Variants in AGPS observed in about 807,000 individuals in gnomAD.
AGPS encodes the protein alkylglycerone phosphate synthase.
A neutral mutation model predicts 90.7 loss-of-function variants in AGPS; 26 were observed. The ratio of observed to expected loss-of-function variants is 0.29; its 90% confidence interval spans 0.21 to 0.40. The LOEUF (loss-of-function observed/expected upper bound fraction) is 0.40, where lower values mean the gene tolerates loss of function less well. AGPS is among the 10% of genes least tolerant of loss of function. The pLI, the probability that AGPS is intolerant of heterozygous loss-of-function variation, is 1.00. For synonymous variants in AGPS, 294 were observed against 285.3 expected (o/e 1.03, Z -0.31); for missense variants, 540 against 816.1 (o/e 0.66, Z 4.12).
Position 177,435,751 on chromosome 2 carries a change from A to G in AGPS, c.442-1013A>G, listed in dbSNP as rs1483034706. ...ATACTTTCTTTTTTCCAAATACTGT[A>G]TGATAGCTTCCCTCAATCCCCCGTA... On this transcript the variant is annotated intron_variant, in intron 3 of 19. Coordinates refer to ENST00000264167, the MANE Select transcript of AGPS (RefSeq NM_003659.4). Among the ~76,000 whole-genome samples the G allele has an allele frequency of 3.3e-5, 5 of 152,336 alleles. No individual in the cohort carries two copies. In the South Asian group the frequency reaches 1.0e-3, roughly 32 times the overall value.
chr2:177,457,120 A>C (rs1356664941), intron 8 of AGPS, among the ~76,000 whole-genome samples: 1 of 152,218 alleles, frequency 6.6e-6, no homozygotes, highest in African/African-American at 2.4e-5. Context: ...TGAAGGCAGA[A>C]ATAAAGATGT....
chr2:177,429,634 G>A lies in AGPS; in HGVS notation c.351-4693G>A, dbSNP rs1025025005. 9.2e-5 allele frequency among the ~76,000 whole-genome samples: 14 copies of A among 152,260 alleles called. 1 individual carries two copies. In the East Asian group the frequency reaches 1.9e-3, roughly 21 times the overall value. On this transcript the variant is annotated intron_variant, in intron 2 of 19. Transcript: ENST00000264167. ...TATTTGCCTCATTTTTCCCAGACCT[G>A]GAGGTATCACCAGTGGAGGCTGTGA...
chr2:177,416,099 A>G (rs971928673), intron 1 of AGPS, among the ~76,000 whole-genome samples: 2 of 152,190 alleles, frequency 1.3e-5, no homozygotes, highest in Admixed American at 6.5e-5. Flanking sequence ...AGAAATAGCA[A>G]TGTAGAAACC....
intron 8 of AGPS, 65 bp from the exon 9 acceptor site, chr2:177,461,828 A>C: frequency 2.0e-6 from 3 of 1,475,152 alleles, no homozygotes; most frequent in Non-Finnish European, 2.8e-6. Flanking sequence ...GGAGGAGTTA[A>C]TGTGTTGAGT....
intron 18 of AGPS, 46 bp from the exon 19 acceptor site, chr2:177,523,702 A>G (rs1471813248): frequency 1.3e-6 from 2 of 1,569,528 alleles, no homozygotes; most frequent in Non-Finnish European, 8.8e-7. Flanking sequence ...TCACTGCAAA[A>G]TGAAATCTAA....
chr2:177,441,109 C>T (rs1686588556), intron 6 of AGPS, 73 bp downstream of exon 6: 9 of 1,222,868 alleles, frequency 7.4e-6, no homozygotes, highest in Admixed American at 3.6e-5. Context: ...TAAATATTTG[C>T]GTCACCCTAC....
At chr2:177,470,097 G>A (rs948129124) in intron 10 of AGPS, among the ~76,000 whole-genome samples, 11 of 152,122 alleles carry the variant, frequency 7.2e-5, no homozygotes, top group African/African-American at 2.7e-4. Flanking sequence ...ACAGAAGAGG[G>A]GAGTTGCCCT....
chr2:177,527,852 CT>C (rs2079103839), intron 19 of AGPS, among the ~76,000 whole-genome samples: 1 of 152,116 alleles, frequency 6.6e-6, no homozygotes, highest in Non-Finnish European at 1.5e-5. Flanking sequence ...AAATAGAAAT[CT>C]TTTATGTCTA....
At chr2:177,459,385 A>G (rs1687218676) in intron 8 of AGPS, among the ~76,000 whole-genome samples, 1 of 152,212 alleles carries the variant, frequency 6.6e-6, no homozygotes, top group Non-Finnish European at 1.5e-5. Flanking sequence ...TGAACAGGCA[A>G]CCTACAGAAT....
At chr2:177,430,505 C>T (rs766609927) in intron 2 of AGPS, among the ~76,000 whole-genome samples, 1 of 152,206 alleles carries the variant, frequency 6.6e-6, no homozygotes, top group Non-Finnish European at 1.5e-5. Context: ...ATGAGGGGAT[C>T]TCCTGATCCA....
intron 13 of AGPS, among the ~76,000 whole-genome samples, chr2:177,498,451 A>G (rs1331758398): frequency 6.6e-6 from 1 of 150,932 alleles, no homozygotes; most frequent in Non-Finnish European, 1.5e-5. Flanking sequence ...TTTTTTTCCC[A>G]GTCAGGCATC....
chr2:177,490,305 C>A (rs1198607069), intron 11 of AGPS, among the ~76,000 whole-genome samples: 1 of 152,036 alleles, frequency 6.6e-6, no homozygotes, highest in Admixed American at 6.5e-5. Context: ...AGATCATAAA[C>A]CAACCTAGAT....
intron 19 of AGPS, among the ~76,000 whole-genome samples, chr2:177,526,133 A>C (rs769499959): frequency 3.3e-5 from 5 of 152,232 alleles, no homozygotes; most frequent in Non-Finnish European, 5.9e-5. Context: ...ACAGAAATAA[A>C]AGTTAATTAA....
At chr2:177,512,379 A>G (rs924726350) in intron 16 of AGPS, among the ~76,000 whole-genome samples, 3 of 152,188 alleles carry the variant, frequency 2.0e-5, no homozygotes, top group Admixed American at 6.5e-5. Flanking sequence ...GTTTTATAAA[A>G]TTAGATTTTA....
chr2:177,499,792 A>G, intron 14 of AGPS, 62 bp downstream of exon 14: 1 of 1,109,262 alleles, frequency 9.0e-7, no homozygotes. Context: ...TAATATCACC[A>G]AGCAATTATT....
rs78661799 is a variant in AGPS at position 177,500,172 on chromosome 2, T to C, written c.1475+442T>C. On this transcript the variant is annotated intron_variant, in intron 14 of 19. Coordinates refer to ENST00000264167, the MANE Select transcript of AGPS (RefSeq NM_003659.4). ...AATCGAAGGTATTTGATAAATTATC[T>C]ATACTGCACCCCCTGTCACTTACTG... Among the ~76,000 whole-genome samples the C allele has an allele frequency of 5.6e-3, 857 of 152,080 alleles. 9 individuals carry two copies. Among genetic ancestry groups the C allele is most frequent in the African/African-American group, 0.02 (816 of 41,552 alleles).
Position 177,445,580 on chromosome 2 carries a change from C to T in AGPS, c.824C>T (p.Thr275Ile). ...CTCTGGGTTGATGAGAACAATTTGA[C>T]AGCTCATGTAGAGGCTGGCATAACA... ...RILWVDENNL[T>I]AHVEAGITGQ... The change falls in exon 8 of 20, where the codon ACA becomes ATA. Residue 275 changes from threonine (T) to isoleucine (I), a missense_variant. Transcript: ENST00000264167. 1.2e-6 allele frequency: 2 copies of T among 1,613,934 alleles called. No individual in the cohort carries two copies. The highest frequency in any genetic ancestry group is 1.7e-6 in the Non-Finnish European group (2 of 1,179,854).
intron 18 of AGPS, 118 bp downstream of exon 18, chr2:177,521,486 T>C: frequency 1.2e-6 from 1 of 857,264 alleles, no homozygotes; most frequent in Non-Finnish European, 1.9e-6. Flanking sequence ...TGCCTAGCTG[T>C]TAGCCCTTAG....
At chr2:177,443,749 A>G (rs539871311) in intron 7 of AGPS, among the ~76,000 whole-genome samples, 21 of 152,284 alleles carry the variant, frequency 1.4e-4, no homozygotes, top group African/African-American at 5.1e-4. Flanking sequence ...AGAAAAGGCA[A>G]TTTATTTCCT....
Sources: allele counts gnomAD v4.1 joint callset (sites outside exome capture counted in the v4.1 genomes callset), GRCh38; gene constraint gnomAD v4.1.1; transcripts MANE v1.5; gene names NCBI Gene and HGNC (gene_info 2026-07-23, HGNC 2026-07-21).